Variants in AUTS2 observed in about 807,000 individuals in gnomAD.
AUTS2 encodes autism susceptibility gene 2 protein.
AUTS2 carries 17 observed loss-of-function variants against 112.4 expected under a neutral mutation model. The ratio of observed to expected loss-of-function variants is 0.15; its 90% CI spans 0.10 to 0.23. AUTS2 has a LOEUF of 0.23. Among genes scored for constraint, AUTS2 ranks in the 10% least tolerant of loss-of-function variants. The pLI, the probability that AUTS2 is intolerant of heterozygous loss-of-function variation, is 1.00. For missense variants in AUTS2, 1,510 were observed against 1,701.6 expected (o/e 0.89, Z 1.98); for synonymous variants, 751 against 702.7 (o/e 1.07, Z -1.09).
At chr7:70,644,623 T>A (rs1206213166) in intron 5 of AUTS2, among the ~76,000 whole-genome samples, 1 of 152,006 alleles carries the variant, frequency 6.6e-6, no homozygotes, top group Non-Finnish European at 1.5e-5. Flanking sequence ...CCACCCCTCC[T>A]ACCTTCCAGC....
chr7:69,647,396 G>A (rs1795073689), intron 1 of AUTS2, among the ~76,000 whole-genome samples: 2 of 151,232 alleles, frequency 1.3e-5, no homozygotes, highest in African/African-American at 4.9e-5. Flanking sequence ...TGTCACCTAG[G>A]CTGGAGTGCA....
At chr7:69,638,371 C>T (rs1794646779) in intron 1 of AUTS2, among the ~76,000 whole-genome samples, 1 of 152,192 alleles carries the variant, frequency 6.6e-6, no homozygotes, top group Non-Finnish European at 1.5e-5. Flanking sequence ...TGACATCTTT[C>T]TCAAGACTAA....
At chr7:69,642,586 T>C in intron 1 of AUTS2, among the ~76,000 whole-genome samples, 1 of 152,218 alleles carries the variant, frequency 6.6e-6, no homozygotes, top group South Asian at 2.1e-4. Context: ...TTCTGTAACT[T>C]TGAATAAGTC....
At chr7:70,599,995 C>CA (rs1172576616) in intron 5 of AUTS2, among the ~76,000 whole-genome samples, 1 of 152,172 alleles carries the variant, frequency 6.6e-6, no homozygotes, top group Non-Finnish European at 1.5e-5. Context: ...GGACCTTCAG[C>CA]ACCCCGGGGA....
At chr7:69,934,569 A>G (rs1796339170) in intron 2 of AUTS2, among the ~76,000 whole-genome samples, 1 of 152,164 alleles carries the variant, frequency 6.6e-6, no homozygotes, top group Admixed American at 6.5e-5. Flanking sequence ...ACCAGACATA[A>G]TGAGAGTCAT....
intron 5 of AUTS2, among the ~76,000 whole-genome samples, chr7:70,588,840 G>A (rs542761828): frequency 6.6e-6 from 1 of 152,248 alleles, no homozygotes; most frequent in Non-Finnish European, 1.5e-5. Flanking sequence ...GAAATGAAAG[G>A]TTATTCACTC....
intron 2 of AUTS2, among the ~76,000 whole-genome samples, chr7:69,996,728 T>C (rs1798957773): frequency 6.6e-6 from 1 of 152,148 alleles, no homozygotes; most frequent in Non-Finnish European, 1.5e-5. Flanking sequence ...GTGCCTGTTG[T>C]AGTATATATC....
intron 6 of AUTS2, among the ~76,000 whole-genome samples, chr7:70,718,006 T>G (rs956546939): frequency 3.9e-5 from 6 of 152,196 alleles, no homozygotes; most frequent in Non-Finnish European, 8.8e-5. Flanking sequence ...TGTGTGCATT[T>G]GTACATTGCA....
chr7:70,353,826 T>A (rs982611960), intron 4 of AUTS2, among the ~76,000 whole-genome samples: 7 of 152,216 alleles, frequency 4.6e-5, no homozygotes, highest in Non-Finnish European at 7.3e-5. Flanking sequence ...GGAAGATGTT[T>A]GCTTGTACCT....
At chr7:69,859,029 T>C (rs1350408803) in intron 1 of AUTS2, among the ~76,000 whole-genome samples, 1 of 152,232 alleles carries the variant, frequency 6.6e-6, no homozygotes, top group Non-Finnish European at 1.5e-5. Flanking sequence ...GGGTCCATGC[T>C]CACAGCATCT....
intron 2 of AUTS2, among the ~76,000 whole-genome samples, chr7:69,985,227 TA>T (rs71068005): frequency 0.14 from 14,343 of 104,648 alleles, 751 homozygotes; most frequent in Admixed American, 0.18. Flanking sequence ...GAAGACTCTC[TA>T]AAAAAAAAAA....
chr7:70,060,756 G>C (rs555176097), intron 2 of AUTS2, among the ~76,000 whole-genome samples: 2 of 152,242 alleles, frequency 1.3e-5, no homozygotes, highest in East Asian at 1.9e-4. Context: ...TCTTTAAATC[G>C]TGCTAGGCCA....
intron 7 of AUTS2, among the ~76,000 whole-genome samples, chr7:70,764,476 G>C (rs561638004): frequency 6.6e-6 from 1 of 152,270 alleles, no homozygotes; most frequent in Admixed American, 6.5e-5. Context: ...GAGCGAGAGA[G>C]GCCCTGAGGT....
chr7:69,849,148 C>T (rs1458417904), intron 1 of AUTS2, among the ~76,000 whole-genome samples: 1 of 152,174 alleles, frequency 6.6e-6, no homozygotes, highest in Non-Finnish European at 1.5e-5. Flanking sequence ...TATGACTGCA[C>T]CCCAGCCTGG....
intron 5 of AUTS2, among the ~76,000 whole-genome samples, chr7:70,601,644 G>A (rs144488371): frequency 6.6e-6 from 1 of 152,282 alleles, no homozygotes; most frequent in Non-Finnish European, 1.5e-5. Context: ...GCTGCAGACT[G>A]CTGGAGAAGA....
At chr7:70,289,566 G>A (rs1169863507) in intron 4 of AUTS2, among the ~76,000 whole-genome samples, 6 of 152,194 alleles carry the variant, frequency 3.9e-5, no homozygotes, top group Non-Finnish European at 8.8e-5. Flanking sequence ...GGGAGAAAGT[G>A]AATATAAGAA....
At chr7:70,747,731 C>A (rs1563168975) in intron 6 of AUTS2, among the ~76,000 whole-genome samples, 1 of 152,166 alleles carries the variant, frequency 6.6e-6, no homozygotes, top group Non-Finnish European at 1.5e-5. Context: ...GGTGATCCGC[C>A]CGCCTCAGCC....
intron 1 of AUTS2, among the ~76,000 whole-genome samples, chr7:69,771,836 G>A (rs1788676538): frequency 1.3e-5 from 2 of 151,044 alleles, no homozygotes; most frequent in Admixed American, 6.6e-5. Flanking sequence ...ACAGGCTGGA[G>A]TGCAATGGCG....
intron 1 of AUTS2, among the ~76,000 whole-genome samples, chr7:69,691,832 G>T (rs1797360378): frequency 6.6e-6 from 1 of 152,194 alleles, no homozygotes; most frequent in Admixed American, 6.5e-5. Context: ...AAGGCAGGAA[G>T]TGTTTTTTCC....
Sources: gnomAD v4.1 joint callset for allele counts (sites outside exome capture counted in the v4.1 genomes callset) on GRCh38, gnomAD v4.1.1 for gene constraint, MANE v1.5 for transcripts, NCBI Gene and HGNC (gene_info 2026-07-23, HGNC 2026-07-21) for gene names.